TRPM1: variants seen among roughly 807,000 people sequenced by gnomAD.
TRPM1 encodes the protein TRPM1-203 APA Isoform, Intron 10.
In TRPM1, 113 loss-of-function variants were observed where a neutral mutation model predicts 149.4. The ratio of observed to expected loss-of-function variants is 0.76; its 90% CI spans 0.65 to 0.88. The LOEUF is 0.88. Among genes scored for constraint, TRPM1 ranks in the 40% least tolerant of loss-of-function variants. The pLI is 0.00. For missense variants in TRPM1, 1,976 were observed against 2,038.7 expected, an observed-to-expected ratio of 0.97 and a Z score of 0.59; for synonymous variants, 741 against 759.5, an observed-to-expected ratio of 0.98 and a Z score of 0.40.
At chr15:31,016,988 CA>C (rs1555416814) in intron 27 of TRPM1, among the ~76,000 whole-genome samples, 10 of 102,546 alleles carry the variant, frequency 9.8e-5, no homozygotes, top group Admixed American at 1.9e-4. Context: ...CACACACACA[CA>C]AAAAAAAAAC....
At position 31,061,485 on chromosome 15, in the gene TRPM1, G is replaced by T. The variant is rs751222274; in HGVS notation, c.1119C>A (p.Gly373=). 2 of 1,613,970 alleles carry T rather than the reference G, an allele frequency of 1.2e-6. No homozygotes were observed. Among genetic ancestry groups the T allele is most frequent in the South Asian group, 2.2e-5 (2 of 91,050 alleles). ...LVTVFRMGSE[G]QQDIEMAILT... ...AAATTGCCATCTCGATGTCCTGCTG[G>T]CCCTCAGAACCCATTCTGAACACAG... Residue 373 remains glycine, a synonymous_variant, in exon 10 of 28, where the codon GGC becomes GGA. Coordinates refer to ENST00000256552, the MANE Select transcript of TRPM1 (RefSeq NM_001252024.2).
chr15:31,104,186 C>T (rs903510744), upstream of TRPM1, among the ~76,000 whole-genome samples: 2 of 152,132 alleles, frequency 1.3e-5, no homozygotes, highest in African/African-American at 4.8e-5. Flanking sequence ...ATGGGGGAGC[C>T]ATGAGGACAC....
At chr15:31,102,792 G>A (rs915644030), upstream of TRPM1, among the ~76,000 whole-genome samples, 13 of 152,222 alleles carry the variant, frequency 8.5e-5, no homozygotes, top group African/African-American at 1.4e-4. Context: ...CAGAGTGGGC[G>A]TGCAAAGGGT....
chr15:31,029,838 A>C (rs1473617804), intron 23 of TRPM1, among the ~76,000 whole-genome samples: 1 of 152,184 alleles, frequency 6.6e-6, no homozygotes, highest in Admixed American at 6.5e-5. Context: ...GTTACTGAGA[A>C]TAGCACAGCC....
chr15:31,016,815 C>T (rs1391162605), intron 27 of TRPM1, among the ~76,000 whole-genome samples: 1 of 152,086 alleles, frequency 6.6e-6, no homozygotes, highest in East Asian at 1.9e-4. Flanking sequence ...ACGAGGAGCC[C>T]AGAACCGCAT....
chr15:31,026,833 G>C, intron 26 of TRPM1, 82 bp downstream of exon 26: 1 of 1,435,894 alleles, frequency 7.0e-7, no homozygotes, highest in East Asian at 2.3e-5. Flanking sequence ...GCAAGTAGTT[G>C]AGTGAGATTT....
chr15:31,024,656 C>T (rs1311129703), intron 27 of TRPM1, among the ~76,000 whole-genome samples: 1 of 152,014 alleles, frequency 6.6e-6, no homozygotes, highest in Non-Finnish European at 1.5e-5. Flanking sequence ...CCAAGGAATG[C>T]CGGGGAAGGG....
At chr15:31,117,215 G>T (rs1412465840) in intron 1 of TRPM1, among the ~76,000 whole-genome samples, 1 of 152,074 alleles carries the variant, frequency 6.6e-6, no homozygotes, top group Non-Finnish European at 1.5e-5. Context: ...GCCGGGCATG[G>T]TGGCTCATGC....
At chr15:31,150,035 G>GT (rs1488287727) in intron 1 of TRPM1, among the ~76,000 whole-genome samples, 9 of 152,342 alleles carry the variant, frequency 5.9e-5, no homozygotes, top group African/African-American at 2.2e-4. Flanking sequence ...TGTGCAGGAA[G>GT]TAAGGGGTAA....
chr15:31,144,711 G>GTTTTTTTTTTTTTTTTTTTTTTTTT, intron 1 of TRPM1, among the ~76,000 whole-genome samples: 1 of 142,932 alleles, frequency 7.0e-6, no homozygotes. Flanking sequence ...TTGTTTTTGA[G>GTTTTTTTTTTTTTTTTTTTTTTTTT]ATTTTTTTTT....
At chr15:31,046,916 T>C (rs1262470418) in intron 15 of TRPM1, among the ~76,000 whole-genome samples, 195 bp downstream of exon 15, 1 of 152,142 alleles carries the variant, frequency 6.6e-6, no homozygotes, top group Non-Finnish European at 1.5e-5. Context: ...ATGCAATGGA[T>C]GGGCGGGGCG....
chr15:31,125,729 C>CAAAA (rs59878175), intron 1 of TRPM1, among the ~76,000 whole-genome samples: 5 of 52,756 alleles, frequency 9.5e-5, no homozygotes, highest in Admixed American at 3.2e-4. Flanking sequence ...GACTCCGTCT[C>CAAAA]AAAAAAAAAA....
At chr15:31,068,160 G>T in intron 4 of TRPM1, 68 bp from the exon 5 acceptor site, 1 of 1,395,952 alleles carries the variant, frequency 7.2e-7, no homozygotes, top group Non-Finnish European at 1.0e-6. Context: ...GGGGAGTGAG[G>T]CTATTGCTCA....
At chr15:31,076,699 T>G (rs2034702606) in intron 3 of TRPM1, among the ~76,000 whole-genome samples, 1 of 152,048 alleles carries the variant, frequency 6.6e-6, no homozygotes, top group Non-Finnish European at 1.5e-5. Flanking sequence ...CGCATTAGGG[T>G]GGGTGGTGGA....
At chr15:31,088,792 T>G (rs1425809732) in intron 1 of TRPM1, among the ~76,000 whole-genome samples, 1 of 118,320 alleles carries the variant, frequency 8.5e-6, no homozygotes, top group African/African-American at 3.5e-5. Context: ...CACCTGAACG[T>G]TCTTTCTGCT....
chr15:31,135,319 G>A (rs1055112745), intron 1 of TRPM1, among the ~76,000 whole-genome samples: 1 of 152,030 alleles, frequency 6.6e-6, no homozygotes, highest in Non-Finnish European at 1.5e-5. Flanking sequence ...AGGAAGAAAG[G>A]AGAAGGCCAA....
intron 16 of TRPM1, among the ~76,000 whole-genome samples, chr15:31,042,650 G>A (rs1033835506): frequency 5.3e-5 from 8 of 152,144 alleles, no homozygotes; most frequent in Admixed American, 2.6e-4. Context: ...AATAACACTC[G>A]TTTGCCAGAC....
chr15:31,064,540 G>A (rs1283750982), intron 7 of TRPM1, among the ~76,000 whole-genome samples: 1 of 152,202 alleles, frequency 6.6e-6, no homozygotes, highest in Admixed American at 6.5e-5. Flanking sequence ...GGCCATGACA[G>A]ATCACACTCT....
chr15:31,046,274 GATAA>G, intron 15 of TRPM1, 41 bp from the exon 16 acceptor site: 1 of 1,594,560 alleles, frequency 6.3e-7, no homozygotes, highest in African/African-American at 1.3e-5. Context: ...AATTTACTTA[GATAA>G]CTAATGTTAG....
Sources: allele counts gnomAD v4.1 joint callset (sites outside exome capture counted in the v4.1 genomes callset), GRCh38; gene constraint gnomAD v4.1.1; transcripts MANE v1.5; gene names NCBI Gene and HGNC (gene_info 2026-07-23, HGNC 2026-07-21).